Variants in GPC5 observed in about 807,000 individuals in gnomAD.
GPC5 encodes the protein glypican 5, also known as glypican-5.
A neutral mutation model predicts 53.9 loss-of-function variants in GPC5; 47 were observed. The ratio of observed to expected loss-of-function variants is 0.87; its 90% CI spans 0.69 to 1.11. GPC5 has a LOEUF of 1.11. GPC5 is among the 50% of genes most tolerant of loss of function. GPC5 has a pLI of 0.00. For missense variants in GPC5, 748 were observed against 713.1 expected, an observed-to-expected ratio of 1.05 and a Z score of -0.56; for synonymous variants, 286 against 263.3, an observed-to-expected ratio of 1.09 and a Z score of -0.84.
chr13:92,035,187 C>T (rs932502691), intron 6 of GPC5, among the ~76,000 whole-genome samples: 9 of 148,712 alleles, frequency 6.1e-5, no homozygotes, highest in Non-Finnish European at 1.2e-4. Flanking sequence ...TACACTCCAG[C>T]CTGGGCGACA....
At chr13:91,943,498 G>A (rs1247550549) in intron 6 of GPC5, among the ~76,000 whole-genome samples, 2 of 152,096 alleles carry the variant, frequency 1.3e-5, no homozygotes, top group Non-Finnish European at 2.9e-5. Flanking sequence ...ATTGAGTTTG[G>A]TGTATGAGTG....
chr13:92,033,424 G>A (rs1487599562), intron 6 of GPC5, among the ~76,000 whole-genome samples: 1 of 152,064 alleles, frequency 6.6e-6, no homozygotes, highest in Non-Finnish European at 1.5e-5. Flanking sequence ...ATTAGACCTT[G>A]CTCTTCACAA....
At chr13:92,052,975 G>A (rs1000039775) in intron 6 of GPC5, among the ~76,000 whole-genome samples, 5 of 152,268 alleles carry the variant, frequency 3.3e-5, no homozygotes, top group South Asian at 2.1e-4. Context: ...AAGCAGGTCT[G>A]GAAGAGGAAA....
At chr13:92,112,646 CAT>C (rs1327035796) in intron 6 of GPC5, among the ~76,000 whole-genome samples, 1 of 151,900 alleles carries the variant, frequency 6.6e-6, no homozygotes, top group African/African-American at 2.4e-5. Context: ...TTTGTGGAAA[CAT>C]GGAGGAAAAA....
chr13:92,562,064 G>A (rs771885603), intron 7 of GPC5, among the ~76,000 whole-genome samples: 45 of 152,092 alleles, frequency 3.0e-4, no homozygotes, highest in Admixed American at 1.2e-3. Context: ...GGCAGTTTTA[G>A]CCTCCAATAG....
chr13:92,296,866 T>C (rs893540775), intron 7 of GPC5, among the ~76,000 whole-genome samples: 2 of 152,212 alleles, frequency 1.3e-5, no homozygotes, highest in African/African-American at 2.4e-5. Flanking sequence ...ACTGGCGCTG[T>C]GCTCGATTTC....
At chr13:92,400,900 G>A (rs1337204945) in intron 7 of GPC5, among the ~76,000 whole-genome samples, 2 of 148,826 alleles carry the variant, frequency 1.3e-5, no homozygotes, top group African/African-American at 5.0e-5. Context: ...AATAAAAAGA[G>A]GATATCAGTT....
chr13:92,249,285 A>G (rs1235709391), intron 7 of GPC5, among the ~76,000 whole-genome samples: 1 of 152,136 alleles, frequency 6.6e-6, no homozygotes, highest in Non-Finnish European at 1.5e-5. Flanking sequence ...TTGGAGTTCT[A>G]TGGCAGAATT....
At chr13:92,682,528 T>C (rs572536048) in intron 7 of GPC5, among the ~76,000 whole-genome samples, 3 of 152,330 alleles carry the variant, frequency 2.0e-5, no homozygotes, top group East Asian at 3.9e-4. Flanking sequence ...CTGTTCTTAA[T>C]GTAAAGCTTC....
intron 6 of GPC5, among the ~76,000 whole-genome samples, chr13:92,110,131 G>T (rs965362903): frequency 2.0e-5 from 3 of 152,086 alleles, no homozygotes; most frequent in Admixed American, 6.6e-5. Context: ...GACATCTTTC[G>T]ATCGTTTCAG....
chr13:91,749,053 G>A (rs2037114015), intron 4 of GPC5, among the ~76,000 whole-genome samples: 1 of 152,054 alleles, frequency 6.6e-6, no homozygotes, highest in Non-Finnish European at 1.5e-5. Flanking sequence ...ATTTTTTATA[G>A]ATATAGTGGG....
intron 2 of GPC5, among the ~76,000 whole-genome samples, chr13:91,661,934 T>G (rs950703627): frequency 2.0e-5 from 3 of 152,234 alleles, no homozygotes; most frequent in Admixed American, 2.0e-4. Context: ...AGCAATGAAC[T>G]GGCACGGTCT....
At chr13:92,763,505 G>A (rs58176346) in intron 7 of GPC5, among the ~76,000 whole-genome samples, 138 of 152,220 alleles carry the variant, frequency 9.1e-4, no homozygotes, top group Middle Eastern at 3.4e-3. Flanking sequence ...ATAATGTGGA[G>A]TTTTAGCTCA....
At chr13:92,065,842 T>C (rs971305915) in intron 6 of GPC5, among the ~76,000 whole-genome samples, 7 of 152,118 alleles carry the variant, frequency 4.6e-5, no homozygotes, top group African/African-American at 1.7e-4. Flanking sequence ...AATTGATTTT[T>C]GAGGGGACTA....
At chr13:92,313,715 A>G (rs1594092923) in intron 7 of GPC5, among the ~76,000 whole-genome samples, 1 of 152,144 alleles carries the variant, frequency 6.6e-6, no homozygotes, top group Non-Finnish European at 1.5e-5. Context: ...CATCAACACA[A>G]GCTAATCAGA....
At chr13:92,837,964 G>A (rs541114842) in intron 7 of GPC5, among the ~76,000 whole-genome samples, 1 of 151,894 alleles carries the variant, frequency 6.6e-6, no homozygotes, top group African/African-American at 2.4e-5. Context: ...GCGTGGTGGC[G>A]CATGCCTGTA....
intron 7 of GPC5, among the ~76,000 whole-genome samples, chr13:92,668,277 G>A (rs1886638462): frequency 6.6e-6 from 1 of 152,028 alleles, no homozygotes; most frequent in Non-Finnish European, 1.5e-5. Context: ...TCATCCTAAG[G>A]CAGTGAAAAC....
At chr13:92,001,330 G>A (rs1445714645) in intron 6 of GPC5, among the ~76,000 whole-genome samples, 1 of 152,056 alleles carries the variant, frequency 6.6e-6, no homozygotes, top group African/African-American at 2.4e-5. Context: ...ATTTTATTAT[G>A]TTTTTTGGCT....
At chr13:92,474,246 G>A (rs1446507055) in intron 7 of GPC5, among the ~76,000 whole-genome samples, 1 of 151,720 alleles carries the variant, frequency 6.6e-6, no homozygotes, top group Non-Finnish European at 1.5e-5. Context: ...TATTGACCAT[G>A]GTTTAATGAG....
Sources: allele counts gnomAD v4.1 joint callset (sites outside exome capture counted in the v4.1 genomes callset), GRCh38; gene constraint gnomAD v4.1.1; transcripts MANE v1.5; gene names NCBI Gene and HGNC (gene_info 2026-07-23, HGNC 2026-07-21).